PPL: variants seen among roughly 807,000 people sequenced by gnomAD.
PPL encodes the protein periplakin, also known as 190 kDa paraneoplastic pemphigus antigen.
A neutral mutation model predicts 194.4 loss-of-function variants in PPL; 198 were observed. That is an observed-to-expected ratio of 1.02 (90% CI 0.91 to 1.15). The LOEUF (loss-of-function observed/expected upper bound fraction) is 1.15, where lower values mean the gene tolerates loss of function less well. Ranked by LOEUF, PPL falls within the 50% of genes most tolerant of loss-of-function variation. PPL has a pLI of 0.00. For missense variants in PPL, 2,885 were observed against 2,294.8 expected (o/e 1.26, Z -5.25); for synonymous variants, 1,220 against 972.4 (o/e 1.25, Z -4.74).
chr16:4,931,161 C>G (rs540786418), intron 1 of PPL, among the ~76,000 whole-genome samples: 1 of 152,220 alleles, frequency 6.6e-6, no homozygotes, highest in South Asian at 2.1e-4. Context: ...CCCAGGAGTT[C>G]AGGACCAGAG....
chr16:4,892,603 G>C (rs557510586), intron 14 of PPL, among the ~76,000 whole-genome samples: 4 of 152,338 alleles, frequency 2.6e-5, no homozygotes, highest in Non-Finnish European at 4.4e-5. Context: ...GTGGGGTCAG[G>C]CTACACCCGA....
chr16:4,892,395 G>A (rs2088337591), intron 14 of PPL, among the ~76,000 whole-genome samples, 182 bp from the exon 15 acceptor site: 1 of 152,220 alleles, frequency 6.6e-6, no homozygotes, highest in Admixed American at 6.5e-5. Flanking sequence ...TTTTTCACGA[G>A]CATCCCAGGG....
Position 4,884,317 on chromosome 16 carries a change from C to G in PPL, c.4338G>C (p.Lys1446Asn). 1 of 1,612,830 alleles carries G rather than the reference C, an allele frequency of 6.2e-7. No homozygotes were observed. Among genetic ancestry groups the G allele is most frequent in the East Asian group, 2.2e-5 (1 of 44,858 alleles). The change falls in exon 22 of 22, where the codon AAG (lysine) becomes AAC (asparagine). Residue 1446 changes from lysine to asparagine, a missense_variant. Transcript: ENST00000345988. This position sits in a 1 kb window ranked among gnomAD's most constrained non-coding sequence, Gnocchi z 5.7. ...EAREKVTHTQ[K>N]VVLQQDPQQA... ...GCTGCGGGTCCTGCTGCAGCACCAC[C>G]TTCTGCGTATGGGTTACCTTCTCAC... is the stretch of plus-strand genomic sequence containing the variant.
intron 2 of PPL, among the ~76,000 whole-genome samples, chr16:4,906,448 A>G (rs1884026799): frequency 6.6e-6 from 1 of 151,970 alleles, no homozygotes; most frequent in Admixed American, 6.6e-5. Flanking sequence ...GATGGTCTCG[A>G]TCTCCTGACC....
chr16:4,884,956 C>G lies in PPL; in HGVS notation c.3699G>C (p.Lys1233Asn). ...GPQVEVKEVT[K>N]EVIKYKTDPE... Reference sequence around the variant, plus strand: ...GGTCAGTCTTGTACTTAATGACTTCCTTAGTCACCTCTTTGACTTCCACCT... The same window carrying G: ...GGTCAGTCTTGTACTTAATGACTTCGTTAGTCACCTCTTTGACTTCCACCT... Residue 1233 changes from lysine to asparagine, a missense_variant, in exon 22 of 22, where the codon AAG becomes AAC. Lys to Asn is a moderately conservative substitution (Grantham distance 94, BLOSUM62 0). Coordinates refer to ENST00000345988, the MANE Select transcript of PPL (RefSeq NM_002705.5). The surrounding 1 kb of genome is among the most constrained non-coding windows in gnomAD (Gnocchi z 5.7). 1 of 1,614,180 alleles carries G rather than the reference C, an allele frequency of 6.2e-7. No homozygotes were observed. The highest frequency in any genetic ancestry group is 2.2e-5 in the East Asian group (1 of 44,878).
At chr16:4,906,833 T>C (rs867897152) in intron 2 of PPL, among the ~76,000 whole-genome samples, 1 of 152,192 alleles carries the variant, frequency 6.6e-6, no homozygotes, top group Non-Finnish European at 1.5e-5. Flanking sequence ...TTACCCATCT[T>C]GCCACAGACA....
At chr16:4,913,180 C>T (rs999621584) in intron 1 of PPL, among the ~76,000 whole-genome samples, 1 of 152,090 alleles carries the variant, frequency 6.6e-6, no homozygotes, top group Non-Finnish European at 1.5e-5. Context: ...TGTGTCCCCT[C>T]CTGTCACATT....
At position 4,900,204 on chromosome 16, in the gene PPL, T is replaced by A. The variant is rs77205286; in HGVS notation, c.606+626A>T. ...CTTATGCAATTTTTAAAAGAATGCA[T>A]TCTTTAAAGGTTTGGGAAGGAAAAT... On this transcript the variant is annotated intron_variant, in intron 6 of 21. Coordinates refer to ENST00000345988, the MANE Select transcript of PPL (RefSeq NM_002705.5). Among the ~76,000 whole-genome samples, 96 of 152,242 alleles carry A rather than the reference T, an allele frequency of 6.3e-4. No individual in the cohort carries two copies. The East Asian group carries it at 0.015, about 24-fold the overall frequency.
At chr16:4,926,924 C>T (rs527605756) in intron 1 of PPL, among the ~76,000 whole-genome samples, 5 of 143,126 alleles carry the variant, frequency 3.5e-5, no homozygotes, top group Non-Finnish European at 6.1e-5. Flanking sequence ...GATTTTAGAT[C>T]ACTTACACCA....
intron 18 of PPL, 21 bp downstream of exon 18, chr16:4,890,163 C>T: frequency 6.2e-7 from 1 of 1,613,928 alleles, no homozygotes; most frequent in East Asian, 2.2e-5. Flanking sequence ...GTGCCTGGGG[C>T]TGCGGAAACG....
At chr16:4,934,561 C>T (rs1424274782) in intron 1 of PPL, among the ~76,000 whole-genome samples, 2 of 152,164 alleles carry the variant, frequency 1.3e-5, no homozygotes, top group Non-Finnish European at 2.9e-5. Flanking sequence ...CCAGGATCAA[C>T]AGTGAGGCAT....
Position 4,884,212 on chromosome 16 carries a change from C to T in PPL, c.4443G>A (p.Glu1481=). The part of the protein sequence containing the change: ...HRRQLLEGEL[E]TLRRKLAALE... Reference sequence around the variant, plus strand: ...GTGCAGCCAGTTTCCTCCGGAGGGTCTCGAGCTCCCCCTCCAGGAGCTGCC... The same window carrying T: ...GTGCAGCCAGTTTCCTCCGGAGGGTTTCGAGCTCCCCCTCCAGGAGCTGCC... Residue 1481 remains glutamate, a synonymous_variant, in exon 22 of 22, where the codon GAG becomes GAA. Transcript: ENST00000345988. The surrounding 1 kb of genome is among the most constrained non-coding windows in gnomAD (Gnocchi z 5.7). The T allele has an allele frequency of 6.2e-7, 1 of 1,613,898 alleles. No homozygotes were observed. Among genetic ancestry groups the T allele is most frequent in the Non-Finnish European group, 8.5e-7 (1 of 1,180,000 alleles).
chr16:4,914,476 G>T (rs545206687), intron 1 of PPL, among the ~76,000 whole-genome samples: 223 of 152,316 alleles, frequency 1.5e-3, no homozygotes, highest in Non-Finnish European at 2.8e-3. Flanking sequence ...GGATCCATCC[G>T]TCTAGGTTCC....
chr16:4,936,475 G>A (rs1299932235), intron 1 of PPL, among the ~76,000 whole-genome samples: 1 of 152,116 alleles, frequency 6.6e-6, no homozygotes, highest in African/African-American at 2.4e-5. Context: ...GAACACTTGC[G>A]CGGTCTCAGA....
intron 1 of PPL, among the ~76,000 whole-genome samples, chr16:4,927,978 T>C (rs1357318428): frequency 6.6e-6 from 1 of 152,264 alleles, no homozygotes; most frequent in Non-Finnish European, 1.5e-5. Flanking sequence ...TGGTTGTGCA[T>C]GCCTCTAGTC....
Position 4,903,976 on chromosome 16 carries a change from A to C in PPL, c.227T>G (p.Leu76Trp). Residue 76 changes from leucine (L) to tryptophan (W), a missense_variant, in exon 3 of 22, where the codon TTG becomes TGG. By Grantham distance (61) the Leu-to-Trp change is moderately conservative. Coordinates refer to ENST00000345988, the MANE Select transcript of PPL (RefSeq NM_002705.5). ...CACATAGAGCAGCTTCTCAGAGTCCAACACCTTCTGCAGGGTCACGTCCCG... is the reference window on the plus strand; with the variant it reads ...CACATAGAGCAGCTTCTCAGAGTCCCACACCTTCTGCAGGGTCACGTCCCG... ...EHRDVTLQKV[L>W]DSEKLLYVLE... The C allele has an allele frequency of 6.2e-7, 1 of 1,613,902 alleles. No individual in the cohort carries two copies.
chr16:4,905,931 C>G (rs973065333), intron 2 of PPL, among the ~76,000 whole-genome samples: 5 of 152,054 alleles, frequency 3.3e-5, no homozygotes, highest in African/African-American at 1.2e-4. Flanking sequence ...ATAGTGAGAC[C>G]CCATTTATTA....
chr16:4,915,729 C>T (rs1290784825), intron 1 of PPL, among the ~76,000 whole-genome samples: 2 of 152,210 alleles, frequency 1.3e-5, no homozygotes, highest in African/African-American at 4.8e-5. Context: ...TCTCTACGTG[C>T]CAGGCTCCTC....
Position 4,899,016 on chromosome 16 carries a change from A to C in PPL, c.873T>G (p.Ile291Met). Residue 291 changes from isoleucine (I) to methionine (M), a missense_variant, in exon 8 of 22, where the codon ATT becomes ATG. Physicochemically the swap from Ile to Met is conservative, Grantham distance 10. Transcript: ENST00000345988. ...LAAEHPGRNS[I>M]EAHMEAVHAD... ...TCTGGTCTCGGGGTGCATGAACCTC[A>C]ATGGAGTTCCTCCCGGGGTGCTCGG... The C allele has an allele frequency of 6.2e-7, 1 of 1,613,294 alleles. No homozygotes were observed. The highest frequency in any genetic ancestry group is 8.5e-7 in the Non-Finnish European group (1 of 1,179,748).
Sources: allele counts gnomAD v4.1 joint callset (sites outside exome capture counted in the v4.1 genomes callset), GRCh38; gene constraint gnomAD v4.1.1; non-coding constraint Gnocchi (gnomAD v3.1); transcripts MANE v1.5; gene names NCBI Gene and HGNC (gene_info 2026-07-23, HGNC 2026-07-21).